The following GATC variants were observed in gnomAD, a reference collection of about 807,000 sequenced individuals.
The protein encoded by GATC is glutamyl-tRNA(Gln) amidotransferase subunit C, mitochondrial.
In GATC, 11 loss-of-function variants were observed where a neutral mutation model predicts 14.4. The ratio of observed to expected loss-of-function variants is 0.77; its 90% CI spans 0.48 to 1.27. GATC has a LOEUF of 1.27. Among genes scored for constraint, GATC ranks in the 50% most tolerant of loss-of-function variants. The pLI is 0.00. For synonymous variants in GATC, 76 were observed against 79.3 expected (o/e 0.96, Z 0.22); for missense variants, 204 against 183.0 (o/e 1.11, Z -0.66).
At chr12:120,447,526 T>C (rs1012474901) in intron 2 of GATC, among the ~76,000 whole-genome samples, 4 of 152,114 alleles carry the variant, frequency 2.6e-5, no homozygotes, top group Admixed American at 2.0e-4. Context: ...TTCGTTTTTT[T>C]CCTTCCTCTC....
At chr12:120,450,230 A>G (rs901513871) in intron 2 of GATC, among the ~76,000 whole-genome samples, 4 of 152,196 alleles carry the variant, frequency 2.6e-5, no homozygotes, top group Admixed American at 2.6e-4. Flanking sequence ...TAGCATCTCA[A>G]CCTCGTATTC....
chr12:120,452,796 G>A (rs1248470866), intron 2 of GATC, among the ~76,000 whole-genome samples: 1 of 152,052 alleles, frequency 6.6e-6, no homozygotes, highest in Non-Finnish European at 1.5e-5. Flanking sequence ...CTGAACTCAA[G>A]TGATCCTCCC....
At chr12:120,459,582 C>T (rs1470656971) in intron 3 of GATC, among the ~76,000 whole-genome samples, 2 of 152,096 alleles carry the variant, frequency 1.3e-5, no homozygotes, top group Admixed American at 6.6e-5. Context: ...TGTGGCCGGG[C>T]GCGGTGGCTC....
At position 120,462,453 on chromosome 12, in the gene GATC, C is replaced by A. The variant is rs953244256; in HGVS notation, c.*2494C>A. The stretch of plus-strand genomic sequence containing the variant: ...CAATTAACTATGATAAACAATATAT[C>A]TGAATTACTGCCATTGACCCCCCTC... On this transcript the variant is annotated 3_prime_UTR_variant, in exon 4 of 4. Coordinates refer to ENST00000551765, the MANE Select transcript of GATC (RefSeq NM_176818.3). The A allele has an allele frequency of 1.6e-5, 4 of 253,214 alleles. No individual in the cohort carries two copies. Among genetic ancestry groups the A allele is most frequent in the Non-Finnish European group, 3.1e-5 (4 of 130,844 alleles). The allele number at this position is 253,214 out of a possible 1,614,324, so 15.7% of individuals were successfully genotyped here. A position where few individuals can be genotyped will look rare whatever the true frequency, so the allele number is the denominator to read the frequency against.
Position 120,463,445 on chromosome 12 carries a change from G to A in GATC, c.*3486G>A, listed in dbSNP as rs1878409336. 2 of 151,914 alleles carry A rather than the reference G, an allele frequency of 1.3e-5. No individual in the cohort carries two copies. The highest frequency in any genetic ancestry group is 4.1e-4 in the South Asian group (2 of 4,820). The allele number at this position is 151,914 out of a possible 1,614,324, so 9.4% of individuals were successfully genotyped here. On this transcript the variant is annotated 3_prime_UTR_variant, in exon 4 of 4. Transcript: ENST00000551765. ...ATATAAAAATTATAAAATTAAAAAAGAAAATGTCATGATAGCTCAGGTTTC... is the reference window on the plus strand; with the variant it reads ...ATATAAAAATTATAAAATTAAAAAAAAAAATGTCATGATAGCTCAGGTTTC...
chr12:120,455,965 C>T (rs1465746535), intron 2 of GATC, among the ~76,000 whole-genome samples: 3 of 152,158 alleles, frequency 2.0e-5, no homozygotes, highest in Non-Finnish European at 2.9e-5. Flanking sequence ...GGATTACAGG[C>T]GTGAGCCACC....
chr12:120,448,994 G>A lies in GATC; in HGVS notation c.254+2165G>A, dbSNP rs539529931. The stretch of plus-strand genomic sequence containing the variant: ...TTTTTTTAATTGAGACAAGAGTCTC[G>A]CTCTGTCGCTGAGGCTGGAGTGCAG... On this transcript the variant is annotated intron_variant, in intron 2 of 3. Transcript: ENST00000551765. Among the ~76,000 whole-genome samples, 5 of 145,538 alleles carry A rather than the reference G, an allele frequency of 3.4e-5. No individual in the cohort carries two copies. In the East Asian group the frequency reaches 8.1e-4, roughly 24 times the overall value.
In GATC at chr12:120,460,429, T is replaced by C. The variant is rs1192269671; in HGVS notation, c.*470T>C. The C allele has an allele frequency of 6.5e-6, 1 of 153,124 alleles. No individual in the cohort carries two copies. Among genetic ancestry groups the C allele is most frequent in the African/African-American group, 2.4e-5 (1 of 41,466 alleles). 9.5% of individuals were successfully genotyped at this position (153,124 alleles called of 1,614,324 possible). On this transcript the variant is annotated 3_prime_UTR_variant, in exon 4 of 4. Coordinates refer to ENST00000551765, the MANE Select transcript of GATC (RefSeq NM_176818.3). Reference sequence around the variant, plus strand: ...CTGAATTTGTTCCTGGGCTCCCACTTTCTTCCCAGAAGAGGGCTAACTTCC... The same window carrying C: ...CTGAATTTGTTCCTGGGCTCCCACTCTCTTCCCAGAAGAGGGCTAACTTCC...
rs1392713373 is a variant in GATC, at chr12:120,460,818, A to C, written c.*859A>C. ...CAGGAGATCAAGACCATCCTGGCTA[A>C]TGCGGTGAAACCTCATCTCTACTAA... is the stretch of plus-strand genomic sequence containing the variant. On this transcript the variant is annotated 3_prime_UTR_variant, in exon 4 of 4. Coordinates refer to ENST00000551765, the MANE Select transcript of GATC (RefSeq NM_176818.3). 4 of 152,120 alleles carry C rather than the reference A, an allele frequency of 2.6e-5. No individual in the cohort carries two copies. The highest frequency in any genetic ancestry group is 5.9e-5 in the Non-Finnish European group (4 of 68,052). 9.4% of individuals were successfully genotyped at this position (152,120 alleles called of 1,614,324 possible).
At chr12:120,454,887 CT>C in intron 2 of GATC, 1 of 266,876 alleles carries the variant, frequency 3.7e-6, no homozygotes, top group East Asian at 9.4e-5. Context: ...GTACAACTCT[CT>C]TTTGTGTGTG....
At position 120,456,136 on chromosome 12, in the gene GATC, G is replaced by C. The variant is rs548590248; in HGVS notation, c.255-940G>C. Among the ~76,000 whole-genome samples the C allele has an allele frequency of 3.3e-5, 5 of 152,294 alleles. No individual in the cohort carries two copies. In the East Asian group the frequency reaches 7.7e-4, roughly 23 times the overall value. ...GTGGCTACTACCGAATACCATATCAGTGATTTAACAGACTGCTTATTTTTT... is the reference window on the plus strand; with the variant it reads ...GTGGCTACTACCGAATACCATATCACTGATTTAACAGACTGCTTATTTTTT... On this transcript the variant is annotated intron_variant, in intron 2 of 3. Coordinates refer to ENST00000551765, the MANE Select transcript of GATC (RefSeq NM_176818.3).
rs1878383757 is a variant in GATC at position 120,462,674 on chromosome 12, TATG to T, written c.*2716_*2718del. ...CTGGCAAGTCTTGTGATGGTGCTAT[TATG>T]TGACCATTTTGCCCATGAAGGAATC... On this transcript the variant is annotated 3_prime_UTR_variant, in exon 4 of 4. Transcript: ENST00000551765. 1 of 152,414 alleles carries T rather than the reference TATG, an allele frequency of 6.6e-6. No homozygotes were observed. The highest frequency in any genetic ancestry group is 1.5e-5 in the Non-Finnish European group (1 of 68,190). 9.4% of individuals were successfully genotyped at this position (152,414 alleles called of 1,614,324 possible).
chr12:120,460,229 CATT>C lies in GATC; in HGVS notation c.*274_*276del, dbSNP rs1878297682. On this transcript the variant is annotated 3_prime_UTR_variant, in exon 4 of 4. Coordinates refer to ENST00000551765, the MANE Select transcript of GATC (RefSeq NM_176818.3). ...TAACAGGCCTGTTCAGTATGGAAGA[CATT>C]ATTTATCTGCCTTTAACTCCCCCCA... 1.0e-5 allele frequency: 3 copies of C among 295,008 alleles called. No homozygotes were observed. Among genetic ancestry groups the C allele is most frequent in the South Asian group, 5.3e-5 (1 of 18,860 alleles). 18.3% of individuals were successfully genotyped at this position (295,008 alleles called of 1,614,324 possible). A position where few individuals can be genotyped will look rare whatever the true frequency, so the allele number is the denominator to read the frequency against.
chr12:120,461,055 A>T lies in GATC; in HGVS notation c.*1096A>T, dbSNP rs1236831517. The T allele has an allele frequency of 6.6e-6, 1 of 151,516 alleles. No individual in the cohort carries two copies. Among genetic ancestry groups the T allele is most frequent in the Non-Finnish European group, 1.5e-5 (1 of 67,942 alleles). 9.4% of individuals were successfully genotyped at this position (151,516 alleles called of 1,614,324 possible). ...GTTTTTCCTCTAACCAAACTGCCAA[A>T]GTTGGTTTTGGCTAAGAATTTCCCA... On this transcript the variant is annotated 3_prime_UTR_variant, in exon 4 of 4. Coordinates refer to ENST00000551765, the MANE Select transcript of GATC (RefSeq NM_176818.3).
At position 120,462,251 on chromosome 12, in the gene GATC, AGT is replaced by A; in HGVS notation, c.*2293_*2294del. ...AACCAACATCTAACAATAATAGTTA[AGT>A]ATTGAGCACTTACTGTGTACTCTGT... On this transcript the variant is annotated 3_prime_UTR_variant, in exon 4 of 4. Transcript: ENST00000551765. 1 of 1,401,658 alleles carries A rather than the reference AGT, an allele frequency of 7.1e-7. No individual in the cohort carries two copies. The highest frequency in any genetic ancestry group is 1.4e-5 in the South Asian group (1 of 73,914). 86.8% of individuals were successfully genotyped at this position (1,401,658 alleles called of 1,614,324 possible). A position where few individuals can be genotyped will look rare whatever the true frequency, so the allele number is the denominator to read the frequency against.
At chr12:120,453,274 T>TA (rs1316676442) in intron 2 of GATC, among the ~76,000 whole-genome samples, 3 of 152,332 alleles carry the variant, frequency 2.0e-5, no homozygotes, top group African/African-American at 7.2e-5. Flanking sequence ...TTCTCACAGT[T>TA]ACTTAAGTTA....
intron 2 of GATC, among the ~76,000 whole-genome samples, chr12:120,451,646 A>G (rs1039675928): frequency 6.8e-6 from 1 of 147,064 alleles, no homozygotes; most frequent in African/African-American, 2.5e-5. Flanking sequence ...GGAGGCTGAG[A>G]CAGAAGAATT....
At chr12:120,459,877 C>G in intron 3 of GATC, 30 bp from the exon 4 acceptor site, 1 of 1,586,986 alleles carries the variant, frequency 6.3e-7, no homozygotes, top group East Asian at 2.2e-5. Flanking sequence ...AACAAACAAA[C>G]AAAAATTCTC....
chr12:120,455,235 C>G (rs944538125), intron 2 of GATC, among the ~76,000 whole-genome samples: 5 of 151,412 alleles, frequency 3.3e-5, no homozygotes, highest in African/African-American at 1.2e-4. Context: ...GTGGTGCCAT[C>G]TCAGCTCACT....
Sources: allele counts gnomAD v4.1 joint callset (sites outside exome capture counted in the v4.1 genomes callset), GRCh38; gene constraint gnomAD v4.1.1; transcripts MANE v1.5; gene names NCBI Gene and HGNC (gene_info 2026-07-23, HGNC 2026-07-21).